STPG4: variants seen among roughly 807,000 people sequenced by gnomAD.
The protein encoded by STPG4 is sperm-tail PG-rich repeat containing 4.
A neutral mutation model predicts 31.5 loss-of-function variants in STPG4; 41 were observed. That is an observed-to-expected ratio of 1.30 (90% CI 1.01 to 1.69). STPG4 has a LOEUF of 1.69. STPG4 is among the 40% of genes most tolerant of loss of function. STPG4 has a pLI of 0.00. For missense variants in STPG4, 375 were observed against 293.4 expected, an observed-to-expected ratio of 1.28 and a Z score of -2.03; for synonymous variants, 141 against 103.0, an observed-to-expected ratio of 1.37 and a Z score of -2.24.
intron 3 of STPG4, among the ~76,000 whole-genome samples, chr2:47,132,708 A>C (rs529381540): frequency 4.7e-4 from 72 of 152,336 alleles, no homozygotes; most frequent in African/African-American, 1.7e-3. Context: ...GATTCTGATG[A>C]CAATTACGTG....
chr2:47,089,476 T>C (rs1685524379), intron 6 of STPG4, among the ~76,000 whole-genome samples: 1 of 152,090 alleles, frequency 6.6e-6, no homozygotes, highest in Admixed American at 6.5e-5. Context: ...CGCTCCAACT[T>C]CTCCTTCTAG....
At chr2:47,098,071 A>G (rs1160855216) in intron 5 of STPG4, among the ~76,000 whole-genome samples, 4 of 152,158 alleles carry the variant, frequency 2.6e-5, no homozygotes, top group Admixed American at 2.6e-4. Context: ...CTGATGGCAG[A>G]TGTAAACATC....
intron 3 of STPG4, among the ~76,000 whole-genome samples, chr2:47,137,276 AGATT>A (rs1461121181): frequency 6.6e-6 from 1 of 152,150 alleles, no homozygotes; most frequent in African/African-American, 2.4e-5. Context: ...TTGATGTGAT[AGATT>A]ATTTGATTTT....
At chr2:47,131,843 G>T (rs1235598216) in intron 3 of STPG4, among the ~76,000 whole-genome samples, 1 of 152,144 alleles carries the variant, frequency 6.6e-6, no homozygotes, top group Non-Finnish European at 1.5e-5. Flanking sequence ...AGGGACATTA[G>T]CCCACAGTTA....
chr2:47,147,526 T>G (rs936954503), intron 3 of STPG4, among the ~76,000 whole-genome samples: 16 of 152,168 alleles, frequency 1.1e-4, no homozygotes, highest in African/African-American at 3.6e-4. Context: ...ATGTAGAGAT[T>G]GTAGAGAGTT....
At chr2:47,120,726 GT>G in intron 5 of STPG4, among the ~76,000 whole-genome samples, 1 of 152,076 alleles carries the variant, frequency 6.6e-6, no homozygotes. Flanking sequence ...CTTGGCTATT[GT>G]TTTTGGCTAC....
In STPG4 at chr2:47,100,850, C is replaced by T. The variant is rs188377516; in HGVS notation, c.520-10476G>A. On this transcript the variant is annotated intron_variant, in intron 5 of 6. Coordinates refer to ENST00000445927, the MANE Select transcript of STPG4 (RefSeq NM_001163561.2). ...CGAACCCACAAGAAGGAAGAAACTCCGAACACATCCGAACATCAGAAGGAA... is the reference window on the plus strand; with the variant it reads ...CGAACCCACAAGAAGGAAGAAACTCTGAACACATCCGAACATCAGAAGGAA... 1.1e-3 allele frequency among the ~76,000 whole-genome samples: 162 copies of T among 151,682 alleles called. 2 individuals carry two copies. The highest frequency in any genetic ancestry group is 3.7e-3 in the African/African-American group (151 of 41,176).
chr2:47,130,145 C>T (rs933690243), intron 4 of STPG4, 51 bp downstream of exon 4: 20 of 1,533,510 alleles, frequency 1.3e-5, no homozygotes, highest in South Asian at 4.5e-5. Flanking sequence ...GGAGTATTGG[C>T]GTGTAGGTAT....
At chr2:47,090,649 GC>G (rs1685552767) in intron 5 of STPG4, among the ~76,000 whole-genome samples, 1 of 152,146 alleles carries the variant, frequency 6.6e-6, no homozygotes. Flanking sequence ...GGTCCCTGAT[GC>G]CCCCAGGCTC....
chr2:47,132,262 C>A (rs1365014699), intron 3 of STPG4, among the ~76,000 whole-genome samples: 1 of 151,922 alleles, frequency 6.6e-6, no homozygotes, highest in Non-Finnish European at 1.5e-5. Flanking sequence ...ACATCCAGAG[C>A]TGGCAGGGAG....
chr2:47,114,327 A>C (rs1440140755), intron 5 of STPG4, among the ~76,000 whole-genome samples: 1 of 151,922 alleles, frequency 6.6e-6, no homozygotes, highest in East Asian at 2.0e-4. Context: ...CAACATGGTG[A>C]AATCCCATCT....
chr2:47,155,292 T>G lies in STPG4; in HGVS notation c.-41A>C. ...CTCTAGGCTGAACCTGAGCTCCGGTTGCTAGGAGGCGGGTGTGGCCCGTGG... is the reference window on the plus strand; with the variant it reads ...CTCTAGGCTGAACCTGAGCTCCGGTGGCTAGGAGGCGGGTGTGGCCCGTGG... On this transcript the variant is annotated 5_prime_UTR_variant, in exon 1 of 7. Coordinates refer to ENST00000445927, the MANE Select transcript of STPG4 (RefSeq NM_001163561.2). 1.2e-6 allele frequency: 2 copies of G among 1,607,090 alleles called. No homozygotes were observed. Among genetic ancestry groups the G allele is most frequent in the Non-Finnish European group, 1.7e-6 (2 of 1,174,046 alleles).
chr2:47,118,430 T>C (rs560814957), intron 5 of STPG4, among the ~76,000 whole-genome samples: 57 of 152,322 alleles, frequency 3.7e-4, no homozygotes, highest in African/African-American at 1.2e-3. Flanking sequence ...TTCTACATTA[T>C]GGTGAGTTGT....
intron 1 of STPG4, 49 bp from the exon 2 acceptor site, chr2:47,153,065 G>A (rs560403618): frequency 1.9e-4 from 243 of 1,308,310 alleles, no homozygotes; most frequent in Non-Finnish European, 2.6e-4. Context: ...GTGATCCCTT[G>A]AAATTAAATA....
At chr2:47,091,839 A>G (rs894184778) in intron 5 of STPG4, among the ~76,000 whole-genome samples, 1 of 152,138 alleles carries the variant, frequency 6.6e-6, no homozygotes, top group Non-Finnish European at 1.5e-5. Flanking sequence ...ATGTGTGCAA[A>G]TATTTAGCCA....
At chr2:47,109,887 A>C (rs1187509529) in intron 5 of STPG4, among the ~76,000 whole-genome samples, 1 of 152,242 alleles carries the variant, frequency 6.6e-6, no homozygotes, top group African/African-American at 2.4e-5. Context: ...TCTATGCCAC[A>C]GGTCTGATAC....
At chr2:47,093,517 T>C (rs1215073542) in intron 5 of STPG4, among the ~76,000 whole-genome samples, 1 of 152,202 alleles carries the variant, frequency 6.6e-6, no homozygotes, top group African/African-American at 2.4e-5. Context: ...ATGCTGAGTG[T>C]GCGACCATTG....
intron 5 of STPG4, among the ~76,000 whole-genome samples, chr2:47,118,291 C>A (rs6729427): frequency 3.9e-5 from 6 of 151,952 alleles, no homozygotes; most frequent in African/African-American, 1.5e-4. Flanking sequence ...TATTGTGAAC[C>A]GCACATGCAA....
intron 3 of STPG4, among the ~76,000 whole-genome samples, chr2:47,141,774 G>A (rs60206690): frequency 0.02 from 3,042 of 151,626 alleles, 97 homozygotes; most frequent in African/African-American, 0.067. Context: ...ACACACTTCA[G>A]GTCTAAAATG....
Sources: gnomAD v4.1 joint callset for allele counts (sites outside exome capture counted in the v4.1 genomes callset) on GRCh38, gnomAD v4.1.1 for gene constraint, MANE v1.5 for transcripts, NCBI Gene and HGNC (gene_info 2026-07-23, HGNC 2026-07-21) for gene names.